FOXP2: variants seen among roughly 807,000 people sequenced by gnomAD.
FOXP2 encodes forkhead box protein P2.
A neutral mutation model predicts 115.8 loss-of-function variants in FOXP2; 12 were observed. That is an observed-to-expected ratio of 0.10 (90% confidence interval 0.07 to 0.17). The LOEUF (loss-of-function observed/expected upper bound fraction) is 0.17. FOXP2 is among the 10% of genes least tolerant of loss of function. FOXP2 has a pLI of 1.00. For missense variants in FOXP2, 629 were observed against 843.5 expected (o/e 0.75, Z 3.15); for synonymous variants, 328 against 297.7 (o/e 1.10, Z -1.05).
intron 16 of FOXP2, among the ~76,000 whole-genome samples, chr7:114,687,954 T>A (rs1028236643): frequency 1.3e-5 from 2 of 152,004 alleles, no homozygotes; most frequent in Non-Finnish European, 1.5e-5. Flanking sequence ...TATCAAATAT[T>A]TGTCACGTTT....
upstream of FOXP2, chr7:114,086,636 G>GCGCGCTACACCTC (rs1584470148): frequency 2.6e-6 from 1 of 387,842 alleles, no homozygotes; most frequent in South Asian, 1.8e-5. Flanking sequence ...CCTCACTCTG[G>GCGCGCTACACCTC]CGCGCTACAC....
At chr7:114,482,913 A>G (rs922592052) in intron 2 of FOXP2, among the ~76,000 whole-genome samples, 11 of 151,594 alleles carry the variant, frequency 7.3e-5, no homozygotes, top group Non-Finnish European at 1.5e-4. Context: ...CTAGACTGAA[A>G]TTACTTGTCA....
intron 1 of FOXP2, among the ~76,000 whole-genome samples, chr7:114,272,383 G>A (rs1426210126): frequency 6.6e-6 from 1 of 151,720 alleles, no homozygotes; most frequent in Admixed American, 6.6e-5. Flanking sequence ...TTAGGGTAAT[G>A]CTGGCTTCAT....
At chr7:114,576,688 C>G (rs1801594899) in intron 3 of FOXP2, among the ~76,000 whole-genome samples, 2 of 151,808 alleles carry the variant, frequency 1.3e-5, no homozygotes, top group South Asian at 4.1e-4. Context: ...CTGTATTTTG[C>G]ATTTTAAAGT....
intron 3 of FOXP2, among the ~76,000 whole-genome samples, chr7:114,548,717 A>G (rs1209309820): frequency 2.6e-5 from 4 of 152,212 alleles, no homozygotes; most frequent in Admixed American, 6.5e-5. Context: ...AAACTATGCA[A>G]AGATGATTCT....
At chr7:114,525,712 T>C (rs1798823097) in intron 2 of FOXP2, among the ~76,000 whole-genome samples, 1 of 152,138 alleles carries the variant, frequency 6.6e-6, no homozygotes, top group Non-Finnish European at 1.5e-5. Flanking sequence ...TGTCCTCCCA[T>C]CTCTTCAGCC....
At chr7:114,664,530 G>T (rs1369478415) in intron 16 of FOXP2, 94 bp downstream of exon 16, 1 of 1,424,394 alleles carries the variant, frequency 7.0e-7, no homozygotes, top group African/African-American at 1.4e-5. Context: ...TGTTGTATAA[G>T]TTGAAAATAC....
At chr7:114,124,485 G>T (rs1459328923) in intron 1 of FOXP2, among the ~76,000 whole-genome samples, 2 of 151,864 alleles carry the variant, frequency 1.3e-5, no homozygotes, top group African/African-American at 4.8e-5. Flanking sequence ...GAAATGTATT[G>T]GCTCTTTGGA....
chr7:114,374,703 A>T (rs552443797), intron 2 of FOXP2, among the ~76,000 whole-genome samples: 31 of 152,300 alleles, frequency 2.0e-4, no homozygotes, highest in African/African-American at 7.5e-4. Flanking sequence ...CTGTACTGTA[A>T]CTTCTTGGTT....
At chr7:114,245,052 G>A (rs1197848270) in intron 1 of FOXP2, among the ~76,000 whole-genome samples, 2 of 152,156 alleles carry the variant, frequency 1.3e-5, no homozygotes, top group African/African-American at 4.8e-5. Flanking sequence ...GCGAGCCACC[G>A]CGCCCGGCCG....
chr7:114,285,174 A>T (rs1315930211), intron 1 of FOXP2, among the ~76,000 whole-genome samples: 1 of 152,176 alleles, frequency 6.6e-6, no homozygotes, highest in African/African-American at 2.4e-5. Flanking sequence ...AGTTTAAAAA[A>T]TAAATAATAA....
In FOXP2 at chr7:114,601,425, T is replaced by A. The variant is rs191845665; in HGVS notation, c.259-27115T>A. 8.1e-4 allele frequency among the ~76,000 whole-genome samples: 123 copies of A among 152,336 alleles called. 1 individual carries two copies. Among genetic ancestry groups the A allele is most frequent in the Non-Finnish European group, 8.8e-5 (6 of 68,020 alleles). ...TTCTCGTATGTTAATTTTAGAAGTT[T>A]TATAGTTTTATGCTTTACATTATGT... On this transcript the variant is annotated intron_variant, in intron 3 of 16. Coordinates refer to ENST00000350908, the MANE Select transcript of FOXP2 (RefSeq NM_014491.4).
chr7:114,334,012 C>G (rs1797778337), intron 2 of FOXP2, among the ~76,000 whole-genome samples: 1 of 152,002 alleles, frequency 6.6e-6, no homozygotes, highest in South Asian at 2.1e-4. Flanking sequence ...CAGGATATCA[C>G]AAAGGAAATG....
At chr7:114,662,368 T>C (rs1806917956) in intron 14 of FOXP2, among the ~76,000 whole-genome samples, 182 bp downstream of exon 14, 1 of 152,104 alleles carries the variant, frequency 6.6e-6, no homozygotes, top group Non-Finnish European at 1.5e-5. Context: ...ATCAATTTTT[T>C]CCGTAAAAAT....
upstream of FOXP2, among the ~76,000 whole-genome samples, chr7:114,413,551 A>G (rs1374853597): frequency 6.6e-6 from 1 of 152,166 alleles, no homozygotes; most frequent in Non-Finnish European, 1.5e-5. Context: ...TGCTAACAGA[A>G]TATTAAACGG....
intron 1 of FOXP2, among the ~76,000 whole-genome samples, chr7:114,151,499 A>C (rs765225037): frequency 1.3e-5 from 2 of 152,102 alleles, no homozygotes; most frequent in Non-Finnish European, 2.9e-5. Context: ...AAAAGGAGAC[A>C]AGGTTTTTGT....
rs1791070245 is a variant in FOXP2 at position 114,104,828 on chromosome 7, A to G, written c.-247+16990A>G. 2.0e-5 allele frequency among the ~76,000 whole-genome samples: 3 copies of G among 152,166 alleles called. No homozygotes were observed. In the South Asian group the frequency reaches 6.2e-4, roughly 32 times the overall value. ...TAAATACATTTATTCAAATAAAGAT[A>G]TCTTATATGTTTTAACATAATAAGA... On this transcript the variant is annotated intron_variant, in intron 1 of 19. Transcript: ENST00000635638.
chr7:114,200,907 C>A (rs1794044051), intron 1 of FOXP2, among the ~76,000 whole-genome samples: 1 of 152,208 alleles, frequency 6.6e-6, no homozygotes, highest in Non-Finnish European at 1.5e-5. Context: ...GTAATCCCAG[C>A]ACTTTGGGAG....
In FOXP2 at chr7:114,483,074, A is replaced by C. The variant is rs561260432; in HGVS notation, c.169-51543A>C. ...TAAATGGAAGCTATGTAAATAGTAC[A>C]TCTCCTTCCGCAAGTTAGTTTTCAT... On this transcript the variant is annotated intron_variant, in intron 2 of 16. Coordinates refer to ENST00000350908, the MANE Select transcript of FOXP2 (RefSeq NM_014491.4). Among the ~76,000 whole-genome samples the C allele has an allele frequency of 1.4e-4, 21 of 151,674 alleles. No homozygotes were observed. The East Asian group carries it at 4.1e-3, about 29-fold the overall frequency.
Sources: gnomAD v4.1 joint callset for allele counts (sites outside exome capture counted in the v4.1 genomes callset) on GRCh38, gnomAD v4.1.1 for gene constraint, MANE v1.5 for transcripts, NCBI Gene and HGNC (gene_info 2026-07-23, HGNC 2026-07-21) for gene names.